KANSL1: variants seen among roughly 807,000 people sequenced by gnomAD.
The protein encoded by KANSL1 is KAT8 regulatory NSL complex subunit 1.
In KANSL1, 22 loss-of-function variants were observed where a neutral mutation model predicts 103.6. The observed-to-expected ratio is 0.21, with a 90% CI of 0.15 to 0.30. The LOEUF is 0.30. KANSL1 is among the 10% of genes least tolerant of loss of function. KANSL1 has a pLI of 1.00. For synonymous variants in KANSL1, 600 were observed against 527.6 expected, an observed-to-expected ratio of 1.14 and a Z score of -1.88; for missense variants, 1,337 against 1,399.8, an observed-to-expected ratio of 0.96 and a Z score of 0.72.
intron 2 of KANSL1, among the ~76,000 whole-genome samples, chr17:46,139,212 G>A (rs1286113096): frequency 6.6e-6 from 1 of 150,726 alleles, no homozygotes; most frequent in Admixed American, 6.6e-5. Flanking sequence ...TTATTAAAGT[G>A]AACTCATAGT....
chr17:46,111,967 CCAATA>C (rs1430083995), intron 2 of KANSL1, among the ~76,000 whole-genome samples: 1 of 152,222 alleles, frequency 6.6e-6, no homozygotes, highest in Non-Finnish European at 1.5e-5. Flanking sequence ...AACGAGAGCA[CCAATA>C]CAATAATGTT....
At chr17:46,160,342 C>A (rs552963241) in intron 2 of KANSL1, among the ~76,000 whole-genome samples, 1 of 152,186 alleles carries the variant, frequency 6.6e-6, no homozygotes, top group Non-Finnish European at 1.5e-5. Context: ...CTGCTGCTCA[C>A]GCTGGAGTGC....
upstream of KANSL1, chr17:46,196,233 CT>C (rs2047602998): frequency 2.3e-6 from 1 of 438,860 alleles, no homozygotes; most frequent in Non-Finnish European, 4.6e-6. Context: ...GCGAGACCAT[CT>C]CAAAATGAAA....
chr17:46,085,729 T>C (rs1402947718), intron 3 of KANSL1, among the ~76,000 whole-genome samples: 4 of 152,180 alleles, frequency 2.6e-5, no homozygotes, highest in Admixed American at 2.6e-4. Context: ...TGGACTCAAG[T>C]AATGCACTTG....
At chr17:46,127,254 G>A (rs1386332304) in intron 2 of KANSL1, among the ~76,000 whole-genome samples, 1 of 152,160 alleles carries the variant, frequency 6.6e-6, no homozygotes, top group Non-Finnish European at 1.5e-5. Context: ...GTTCTCTTCA[G>A]GATCTTCCTT....
chr17:46,074,363 T>A (rs1289932365), intron 4 of KANSL1, among the ~76,000 whole-genome samples: 1 of 151,950 alleles, frequency 6.6e-6, no homozygotes, highest in African/African-American at 2.4e-5. Context: ...AGTCAATGAA[T>A]GAGTAAATAA....
intron 2 of KANSL1, among the ~76,000 whole-genome samples, chr17:46,141,776 T>C (rs1276840282): frequency 6.6e-6 from 1 of 152,214 alleles, no homozygotes; most frequent in Non-Finnish European, 1.5e-5. Flanking sequence ...TAATACAAAA[T>C]TAAGTGGTTT....
In KANSL1 at chr17:46,171,844, C is replaced by T. The variant is rs2147749359; in HGVS notation, c.300G>A (p.Gly100=). The T allele has an allele frequency of 4.3e-6, 7 of 1,614,178 alleles. No individual in the cohort carries two copies. The highest frequency in any genetic ancestry group is 5.9e-6 in the Non-Finnish European group (7 of 1,180,008). Residue 100 remains glycine (G), a synonymous_variant, in exon 2 of 15, where the codon GGG becomes GGA. Coordinates refer to ENST00000432791, the MANE Select transcript of KANSL1 (RefSeq NM_015443.4). ...VPSKESLKLQ[G]VFSKQTVLKS... is the part of the protein sequence containing the mutation. The stretch of plus-strand genomic sequence containing the variant: ...TAAGGACTGTCTGCTTGCTGAAGAC[C>T]CCTTGCAACTTCAAAGACTCCTTTG...
intron 7 of KANSL1, chr17:46,042,528 C>T (rs1341466456): frequency 6.6e-6 from 1 of 152,080 alleles, no homozygotes; most frequent in African/African-American, 2.4e-5. Flanking sequence ...ACCCTAAAGC[C>T]CATACTCTTA....
chr17:46,195,696 G>C (rs1010885146), upstream of KANSL1, among the ~76,000 whole-genome samples: 3 of 152,154 alleles, frequency 2.0e-5, no homozygotes, highest in African/African-American at 7.2e-5. Context: ...GGCACTACAG[G>C]CATATGCCAC....
At chr17:46,149,511 C>T (rs1356284408) in intron 2 of KANSL1, among the ~76,000 whole-genome samples, 1 of 152,278 alleles carries the variant, frequency 6.6e-6, no homozygotes, top group East Asian at 1.9e-4. Context: ...AACTACACAA[C>T]TCTTGCCATT....
intron 2 of KANSL1, among the ~76,000 whole-genome samples, chr17:46,131,794 A>C (rs1054692821): frequency 1.3e-5 from 2 of 152,166 alleles, no homozygotes; most frequent in African/African-American, 2.4e-5. Context: ...ATAGATAGCA[A>C]CACCACCACC....
intron 1 of KANSL1, among the ~76,000 whole-genome samples, chr17:46,214,003 T>C (rs778852176): frequency 6.6e-6 from 1 of 152,104 alleles, no homozygotes; most frequent in Non-Finnish European, 1.5e-5. Flanking sequence ...CTGGCACATA[T>C]AAACATCACA....
At chr17:46,073,620 C>G (rs545852179) in intron 4 of KANSL1, among the ~76,000 whole-genome samples, 1 of 151,950 alleles carries the variant, frequency 6.6e-6, no homozygotes, top group African/African-American at 2.4e-5. Context: ...GTTTCCCATA[C>G]AAAAATAAAA....
At chr17:46,087,263 G>A (rs994987541) in intron 3 of KANSL1, among the ~76,000 whole-genome samples, 1 of 152,180 alleles carries the variant, frequency 6.6e-6, no homozygotes, top group Non-Finnish European at 1.5e-5. Flanking sequence ...GTGCTCAAGT[G>A]TTACACTGAA....
chr17:46,093,386 C>T (rs994536511), intron 3 of KANSL1: 4 of 152,190 alleles, frequency 2.6e-5, no homozygotes, highest in Admixed American at 2.0e-4. Flanking sequence ...AATTTGTATG[C>T]TACCCTAAGG....
intron 8 of KANSL1, 114 bp from the exon 9 acceptor site, chr17:46,039,329 G>T: frequency 1.0e-6 from 1 of 983,134 alleles, no homozygotes; most frequent in Non-Finnish European, 1.4e-6. Context: ...CAGGGCAGCA[G>T]GACAGTCCTT....
intron 2 of KANSL1, among the ~76,000 whole-genome samples, chr17:46,140,789 A>C (rs1310939592): frequency 6.6e-6 from 1 of 152,250 alleles, no homozygotes; most frequent in Non-Finnish European, 1.5e-5. Context: ...CAGCATCATT[A>C]GCCATTAGAG....
chr17:46,177,856 C>A (rs1212589981), intron 1 of KANSL1, among the ~76,000 whole-genome samples: 1 of 152,080 alleles, frequency 6.6e-6, no homozygotes, highest in Non-Finnish European at 1.5e-5. Flanking sequence ...AAGCTCACTG[C>A]AAGCTCCACC....
Sources: gnomAD v4.1 joint callset for allele counts (sites outside exome capture counted in the v4.1 genomes callset) on GRCh38, gnomAD v4.1.1 for gene constraint, MANE v1.5 for transcripts, NCBI Gene and HGNC (gene_info 2026-07-23, HGNC 2026-07-21) for gene names.